KIAA1958: variants seen among roughly 807,000 people sequenced by gnomAD.
KIAA1958 encodes uncharacterized protein KIAA1958.
KIAA1958 carries 14 observed loss-of-function variants against 47.2 expected under a neutral mutation model. The observed-to-expected ratio is 0.30, with a 90% CI of 0.20 to 0.46. KIAA1958 has a LOEUF of 0.46. KIAA1958 is among the 20% of genes least tolerant of loss of function. The pLI, the probability that KIAA1958 is intolerant of heterozygous loss-of-function variation, is 1.00. For synonymous variants in KIAA1958, 354 were observed against 353.3 expected (o/e 1.00, Z -0.02); for missense variants, 803 against 909.2 (o/e 0.88, Z 1.50).
At chr9:112,646,087 G>T (rs931643849) in intron 3 of KIAA1958, among the ~76,000 whole-genome samples, 2 of 149,048 alleles carry the variant, frequency 1.3e-5, no homozygotes, top group African/African-American at 2.5e-5. Context: ...TATTTAAGTG[G>T]TTTTTTTTTT....
chr9:112,622,994 ACTATT>A (rs1836537430), intron 2 of KIAA1958, among the ~76,000 whole-genome samples: 1 of 152,202 alleles, frequency 6.6e-6, no homozygotes, highest in South Asian at 2.1e-4. Context: ...CTATGCTAAT[ACTATT>A]TTGCATAGTT....
intron 2 of KIAA1958, among the ~76,000 whole-genome samples, chr9:112,621,681 T>C (rs187964755): frequency 4.6e-5 from 7 of 152,364 alleles, no homozygotes; most frequent in Admixed American, 3.9e-4. Context: ...GACTTTTAGT[T>C]TCAGAAAACT....
intron 1 of KIAA1958, among the ~76,000 whole-genome samples, chr9:112,547,556 C>T (rs191669078): frequency 6.4e-4 from 94 of 145,816 alleles, no homozygotes; most frequent in Middle Eastern, 3.4e-3. Flanking sequence ...ACACAATTGG[C>T]CAGCATTAAC....
At chr9:112,564,950 C>T (rs1212307242) in intron 1 of KIAA1958, among the ~76,000 whole-genome samples, 1 of 151,870 alleles carries the variant, frequency 6.6e-6, no homozygotes, top group Non-Finnish European at 1.5e-5. Context: ...TTAATTTAGT[C>T]AAATTAGAAT....
chr9:112,497,166 A>G (rs192871155), intron 1 of KIAA1958, among the ~76,000 whole-genome samples: 1 of 152,314 alleles, frequency 6.6e-6, no homozygotes, highest in Non-Finnish European at 1.5e-5. Context: ...TTATAATATT[A>G]CAACCAGGAT....
rs920078136 is a variant in KIAA1958 at position 112,661,011 on chromosome 9, A to C, written c.*942A>C. ...TACCACTGGATCTATAAAACAACTA[A>C]AGGTAATTTTTAGTCTTAGCCAAGA... On this transcript the variant is annotated 3_prime_UTR_variant, in exon 4 of 4. Transcript: ENST00000337530. The C allele has an allele frequency of 1.3e-5, 2 of 152,212 alleles. No individual in the cohort carries two copies. Among genetic ancestry groups the C allele is most frequent in the African/African-American group, 2.4e-5 (1 of 41,456 alleles). The allele number at this position is 152,212 out of a possible 1,614,324, so 9.4% of individuals were successfully genotyped here.
chr9:112,559,470 A>T (rs1835292166), intron 1 of KIAA1958, among the ~76,000 whole-genome samples: 1 of 152,230 alleles, frequency 6.6e-6, no homozygotes, highest in Non-Finnish European at 1.5e-5. Flanking sequence ...GCTGCTGAGA[A>T]GCCAAGAGAA....
rs944379945 is a variant in KIAA1958 at position 112,528,379 on chromosome 9, C to G, written c.-25+41261C>G. Among the ~76,000 whole-genome samples the G allele has an allele frequency of 2.2e-4, 33 of 152,166 alleles. 1 individual carries two copies. The highest frequency in any genetic ancestry group is 7.5e-4 in the African/African-American group (31 of 41,432). Reference sequence around the variant, plus strand: ...TCAGGAATCCTTTGCCACCTACCACCCTGTGCAGGGTTAAGTATTCCTGGC... The same window carrying G: ...TCAGGAATCCTTTGCCACCTACCACGCTGTGCAGGGTTAAGTATTCCTGGC... On this transcript the variant is annotated intron_variant, in intron 1 of 3. Coordinates refer to ENST00000337530, the MANE Select transcript of KIAA1958 (RefSeq NM_133465.4).
intron 1 of KIAA1958, among the ~76,000 whole-genome samples, chr9:112,508,826 A>G (rs1834275670): frequency 6.6e-6 from 1 of 152,136 alleles, no homozygotes; most frequent in African/African-American, 2.4e-5. Context: ...AGATTTTTAT[A>G]AGATTATTTG....
chr9:112,573,004 C>A (rs1199290631), intron 1 of KIAA1958, among the ~76,000 whole-genome samples: 4 of 152,116 alleles, frequency 2.6e-5, no homozygotes, highest in African/African-American at 9.7e-5. Context: ...CCAGGGCCGA[C>A]AAAATCACAC....
At chr9:112,625,075 C>G (rs978789289) in intron 2 of KIAA1958, among the ~76,000 whole-genome samples, 1 of 152,188 alleles carries the variant, frequency 6.6e-6, no homozygotes, top group African/African-American at 2.4e-5. Flanking sequence ...GCTGTTCCCT[C>G]TGGAATGCAT....
intron 2 of KIAA1958, among the ~76,000 whole-genome samples, chr9:112,580,162 T>A (rs1835712868): frequency 6.6e-6 from 1 of 152,076 alleles, no homozygotes; most frequent in Admixed American, 6.6e-5. Context: ...ACTACATAGC[T>A]GAGTGTGAGC....
At chr9:112,649,702 G>A (rs1001051892) in intron 3 of KIAA1958, among the ~76,000 whole-genome samples, 13 of 152,124 alleles carry the variant, frequency 8.5e-5, no homozygotes, top group African/African-American at 2.9e-4. Context: ...AAAGGCAAGG[G>A]GCAATTTCTT....
At chr9:112,499,209 G>A (rs1379325736) in intron 1 of KIAA1958, among the ~76,000 whole-genome samples, 1 of 152,196 alleles carries the variant, frequency 6.6e-6, no homozygotes, top group Non-Finnish European at 1.5e-5. Flanking sequence ...ACATGGTGGT[G>A]GAGATAATCT....
chr9:112,654,467 G>A (rs956476255), intron 3 of KIAA1958, among the ~76,000 whole-genome samples: 9 of 152,022 alleles, frequency 5.9e-5, no homozygotes, highest in Non-Finnish European at 1.2e-4. Flanking sequence ...TAAATTTGGG[G>A]GAGTGCTAGG....
chr9:112,641,379 TC>T, intron 2 of KIAA1958, among the ~76,000 whole-genome samples: 1 of 150,352 alleles, frequency 6.7e-6, no homozygotes. Flanking sequence ...GAAATCTGAT[TC>T]TTCTCGCTAT....
Position 112,579,264 on chromosome 9 carries a change from C to G in KIAA1958, c.1171+4013C>G, listed in dbSNP as rs148906543. 7.9e-3 allele frequency among the ~76,000 whole-genome samples: 1,205 copies of G among 152,128 alleles called. 6 individuals are homozygous for G. Among genetic ancestry groups the G allele is most frequent in the Non-Finnish European group, 0.014 (940 of 67,962 alleles). ...TTTATGAAGGCAATTCTTTCAACAT[C>G]TATCAGTCAATCAATCTTTTCTGTC... is the stretch of plus-strand genomic sequence containing the variant. On this transcript the variant is annotated intron_variant, in intron 2 of 3. Transcript: ENST00000337530.
intron 2 of KIAA1958, among the ~76,000 whole-genome samples, chr9:112,620,120 T>C (rs148340508): frequency 6.6e-6 from 1 of 152,362 alleles, no homozygotes; most frequent in East Asian, 1.9e-4. Flanking sequence ...ATAATAATTT[T>C]GGTTAAACAT....
intron 1 of KIAA1958, among the ~76,000 whole-genome samples, chr9:112,538,653 T>A (rs996447548): frequency 2.0e-5 from 3 of 152,048 alleles, no homozygotes; most frequent in Non-Finnish European, 4.4e-5. Flanking sequence ...GGCAAAAACA[T>A]AAAACAAAAA....
Sources: allele counts gnomAD v4.1 joint callset (sites outside exome capture counted in the v4.1 genomes callset), GRCh38; gene constraint gnomAD v4.1.1; transcripts MANE v1.5; gene names NCBI Gene and HGNC (gene_info 2026-07-23, HGNC 2026-07-21).